Variants in TMEM233 observed in about 807,000 individuals in gnomAD.
TMEM233 encodes the protein dispanin subfamily B member 2.
A neutral mutation model predicts 11.2 loss-of-function variants in TMEM233; 6 were observed. The observed-to-expected ratio is 0.54, with a 90% CI of 0.29 to 1.06. The LOEUF is 1.06. TMEM233 is among the 50% of genes least tolerant of loss of function. TMEM233 has a pLI of 0.08. For missense variants in TMEM233, 127 were observed against 144.7 expected, an observed-to-expected ratio of 0.88 and a Z score of 0.63; for synonymous variants, 59 against 55.8, an observed-to-expected ratio of 1.06 and a Z score of -0.26.
At chr12:119,650,295 C>CT in the TMEM233 span, among the ~76,000 whole-genome samples, 1 of 152,178 alleles carries the variant, frequency 6.6e-6, no homozygotes, top group African/African-American at 2.4e-5. Context: ...ATTAACTTCT[C>CT]TTTGCATCTG....
At chr12:119,637,344 T>G (rs534657378) in intron 2 of TMEM233, among the ~76,000 whole-genome samples, 32 of 152,306 alleles carry the variant, frequency 2.1e-4, no homozygotes, top group African/African-American at 7.7e-4. Flanking sequence ...AAGGAAAAAC[T>G]TACCTCTAAA....
At chr12:119,604,999 T>TC (rs74656835) in intron 1 of TMEM233, among the ~76,000 whole-genome samples, 1,636 of 58,210 alleles carry the variant, frequency 0.028, 34 homozygotes, top group African/African-American at 0.13. Flanking sequence ...CCTCACTATC[T>TC]TTTTTTTTTT....
In TMEM233 at chr12:119,595,307, G is replaced by T. The variant is rs1389043386; in HGVS notation, c.186+1273G>T. 6.6e-6 allele frequency among the ~76,000 whole-genome samples: 1 copy of T among 152,214 alleles called. No homozygotes were observed. Among genetic ancestry groups the T allele is most frequent in the African/African-American group, 2.4e-5 (1 of 41,446 alleles). On this transcript the variant is annotated intron_variant, in intron 1 of 2. Coordinates refer to ENST00000426426, the MANE Select transcript of TMEM233 (RefSeq NM_001136534.3). This position sits in a 1 kb window ranked among gnomAD's most constrained non-coding sequence, Gnocchi z 4.3. ...TGGGCCACGGAACTCCCCGGCCACA[G>T]ACGCAGAGCCCTGATTCAGCGCTGT...
At chr12:119,651,554 C>T in the TMEM233 span, among the ~76,000 whole-genome samples, 2 of 151,952 alleles carry the variant, frequency 1.3e-5, no homozygotes, top group Non-Finnish European at 2.9e-5. Context: ...TGCAGTGGCT[C>T]ACACCTATAA....
At chr12:119,629,131 C>T (rs1049906221) in intron 1 of TMEM233, among the ~76,000 whole-genome samples, 5 of 152,120 alleles carry the variant, frequency 3.3e-5, no homozygotes, top group African/African-American at 9.7e-5. Flanking sequence ...GACAGAAGGC[C>T]GGGCGTGGTG....
intron 2 of TMEM233, among the ~76,000 whole-genome samples, chr12:119,635,605 C>A (rs1046060955): frequency 1.3e-5 from 2 of 152,136 alleles, no homozygotes; most frequent in African/African-American, 4.8e-5. Flanking sequence ...TAATTTAGCC[C>A]GATTATGACA....
chr12:119,627,495 A>T (rs914960244), intron 1 of TMEM233, among the ~76,000 whole-genome samples: 1 of 152,208 alleles, frequency 6.6e-6, no homozygotes, highest in African/African-American at 2.4e-5. Flanking sequence ...CTCATTGTGG[A>T]AAGCAAGGGG....
At chr12:119,598,482 T>C (rs1351590266) in intron 1 of TMEM233, among the ~76,000 whole-genome samples, 1 of 152,166 alleles carries the variant, frequency 6.6e-6, no homozygotes. Context: ...CACCTACCAA[T>C]AGGTGTGTGG....
the TMEM233 span, among the ~76,000 whole-genome samples, chr12:119,650,053 G>A: frequency 6.6e-6 from 1 of 151,822 alleles, no homozygotes; most frequent in Non-Finnish European, 1.5e-5. Flanking sequence ...AGCTACTCAG[G>A]AGGCTGAGGC....
In TMEM233 at chr12:119,607,896, T is replaced by C. The variant is rs542952027; in HGVS notation, c.186+13862T>C. Among the ~76,000 whole-genome samples, 19 of 152,328 alleles carry C rather than the reference T, an allele frequency of 1.2e-4. 1 individual carries two copies. The South Asian group carries it at 3.7e-3, about 30-fold the overall frequency. ...CCACCATGCCCAACTAGTAATTAGA[T>C]GCATTCTTATCCACCCCAAAAGGTG... On this transcript the variant is annotated intron_variant, in intron 1 of 2. Coordinates refer to ENST00000426426, the MANE Select transcript of TMEM233 (RefSeq NM_001136534.3).
intron 2 of TMEM233, among the ~76,000 whole-genome samples, chr12:119,640,161 G>GTTTTT (rs1475879453): frequency 6.6e-6 from 1 of 151,768 alleles, no homozygotes; most frequent in Non-Finnish European, 1.5e-5. Flanking sequence ...TTGTTGTTTT[G>GTTTTT]TTTTGTTTTT....
In TMEM233 at chr12:119,610,323, G is replaced by A. The variant is rs1361764047; in HGVS notation, c.186+16289G>A. 4.6e-5 allele frequency among the ~76,000 whole-genome samples: 7 copies of A among 152,284 alleles called. No homozygotes were observed. The East Asian group carries it at 1.4e-3, about 29-fold the overall frequency. On this transcript the variant is annotated intron_variant, in intron 1 of 2. Coordinates refer to ENST00000426426, the MANE Select transcript of TMEM233 (RefSeq NM_001136534.3). ...CTCATAGGCAGAAGGGACTTGCCTTGTCTTCAATGAGACTTTGGATCTGGA... is the reference window on the plus strand; with the variant it reads ...CTCATAGGCAGAAGGGACTTGCCTTATCTTCAATGAGACTTTGGATCTGGA...
chr12:119,610,994 T>C (rs1271988571), intron 1 of TMEM233, among the ~76,000 whole-genome samples: 2 of 152,236 alleles, frequency 1.3e-5, no homozygotes, highest in African/African-American at 4.8e-5. Flanking sequence ...ATCCATGTTG[T>C]AGCATTAATC....
At chr12:119,627,052 G>A (rs1266352037) in intron 1 of TMEM233, among the ~76,000 whole-genome samples, 2 of 152,230 alleles carry the variant, frequency 1.3e-5, no homozygotes, top group Non-Finnish European at 2.9e-5. Context: ...GGGATGGCTG[G>A]GATATTGGGG....
rs1566116788 is a variant in TMEM233 at position 119,640,859 on chromosome 12, A to ACG, written c.*154_*155insCG. 2 of 618,636 alleles carry ACG rather than the reference A, an allele frequency of 3.2e-6. No homozygotes were observed. Among genetic ancestry groups the ACG allele is most frequent in the Non-Finnish European group, 4.9e-6 (2 of 407,190 alleles). The allele number at this position is 618,636 out of a possible 1,614,324, so 38.3% of individuals were successfully genotyped here. On this transcript the variant is annotated 3_prime_UTR_variant, in exon 3 of 3. Transcript: ENST00000426426. ...CAGGTCCCTGGCAAATGAACAAGAA[A>ACG]AAAAAAAAAAAAAAGTCCAAAATTT...
At position 119,629,397 on chromosome 12, in the gene TMEM233, GAGACTCTGTCTCAA is replaced by G. The variant is rs869088371; in HGVS notation, c.187-337_187-324del. Reference sequence around the variant, plus strand: ...TGCACTTCAGCCTGGGTGACAGAGTGAGACTCTGTCTCAAAAAAAAAAAGAAAAGATAAAAGACA... The same window carrying G: ...TGCACTTCAGCCTGGGTGACAGAGTGAAAAAAAAAGAAAAGATAAAAGACA... On this transcript the variant is annotated intron_variant, in intron 1 of 2. Coordinates refer to ENST00000426426, the MANE Select transcript of TMEM233 (RefSeq NM_001136534.3). Among the ~76,000 whole-genome samples the G allele has an allele frequency of 4.6e-5, 7 of 151,486 alleles. No homozygotes were observed. In the East Asian group the frequency reaches 1.4e-3, roughly 29 times the overall value.
chr12:119,625,664 T>C (rs1007785463), intron 1 of TMEM233, among the ~76,000 whole-genome samples: 4 of 152,322 alleles, frequency 2.6e-5, no homozygotes, highest in Admixed American at 6.5e-5. Context: ...AGGCCTCAAA[T>C]ATAAGTGAGC....
chr12:119,650,938 C>T, the TMEM233 span, among the ~76,000 whole-genome samples: 5 of 152,204 alleles, frequency 3.3e-5, no homozygotes, highest in East Asian at 1.9e-4. Context: ...CCACTGCTCC[C>T]GGCCTGCTTA....
chr12:119,637,751 A>G (rs1191954091), intron 2 of TMEM233, among the ~76,000 whole-genome samples: 1 of 152,226 alleles, frequency 6.6e-6, no homozygotes. Flanking sequence ...GCCAGCAACA[A>G]TGGAAGAATT....
Sources: gnomAD v4.1 joint callset for allele counts (sites outside exome capture counted in the v4.1 genomes callset) on GRCh38, gnomAD v4.1.1 for gene constraint, Gnocchi (gnomAD v3.1) non-coding constraint, MANE v1.5 for transcripts, NCBI Gene and HGNC (gene_info 2026-07-23, HGNC 2026-07-21) for gene names.